C1QTNF6: variants seen among roughly 807,000 people sequenced by gnomAD.
C1QTNF6 encodes C1q and TNF related 6.
Under a neutral mutation model 20.7 loss-of-function variants are expected in C1QTNF6, and 17 were observed. The observed-to-expected ratio is 0.82, with a 90% confidence interval of 0.56 to 1.23. The LOEUF (loss-of-function observed/expected upper bound fraction) is 1.23, where lower values mean the gene tolerates loss of function less well. Among genes scored for constraint, C1QTNF6 ranks in the 50% most tolerant of loss-of-function variants. C1QTNF6 has a pLI of 0.00. For synonymous variants in C1QTNF6, 130 were observed against 156.3 expected, an observed-to-expected ratio of 0.83 and a Z score of 1.25; for missense variants, 329 against 389.7, an observed-to-expected ratio of 0.84 and a Z score of 1.31.
At chr22:37,188,869 A>G (rs1206621174), upstream of C1QTNF6, among the ~76,000 whole-genome samples, 1 of 152,244 alleles carries the variant, frequency 6.6e-6, no homozygotes, top group Non-Finnish European at 1.5e-5. Flanking sequence ...ATCAGACCCC[A>G]AGAGAGAATT....
chr22:37,187,686 GC>G (rs934567088), intron 1 of C1QTNF6, among the ~76,000 whole-genome samples: 3 of 122,638 alleles, frequency 2.4e-5, no homozygotes, highest in Non-Finnish European at 5.4e-5. Context: ...TTTCCTATTG[GC>G]CCCAGCGGAT....
At chr22:37,190,248 T>C (rs896498961), upstream of C1QTNF6, among the ~76,000 whole-genome samples, 1 of 152,244 alleles carries the variant, frequency 6.6e-6, no homozygotes, top group Non-Finnish European at 1.5e-5. Context: ...CAAAATAAGC[T>C]TTAGTCTTAT....
chr22:37,194,712 GC>G (rs1256067428), intron 2 of C1QTNF6, among the ~76,000 whole-genome samples: 1 of 152,208 alleles, frequency 6.6e-6, no homozygotes, highest in Non-Finnish European at 1.5e-5. Context: ...CCCACTCAGT[GC>G]CCAACATCAA....
rs1366205379 is a variant in C1QTNF6 at position 37,185,356 on chromosome 22, C to G, written c.151G>C (p.Ala51Pro). The G allele has an allele frequency of 6.2e-7, 1 of 1,613,852 alleles. No homozygotes were observed. Among genetic ancestry groups the G allele is most frequent in the Non-Finnish European group, 8.5e-7 (1 of 1,179,956 alleles). ...IPMVELTFDR[A>P]VASGCQRCCD... ...CACCGTTGGCAGCCGCTGGCCACAG[C>G]TCTGTCAAAGGTGAGCTCCACCATA... is the stretch of plus-strand genomic sequence containing the variant. Residue 51 changes from alanine to proline, a missense_variant, in exon 2 of 3, where the codon GCT (alanine) becomes CCT (proline). Physicochemically the swap from Ala to Pro is conservative, Grantham distance 27 (BLOSUM62 -1). Transcript: ENST00000337843.
rs1320504184 is a variant in C1QTNF6, at chr22:37,185,307, T to C, written c.200A>G (p.Asp67Gly). 2 of 1,613,176 alleles carry C rather than the reference T, an allele frequency of 1.2e-6. No homozygotes were observed. The highest frequency in any genetic ancestry group is 2.7e-5 in the African/African-American group (2 of 74,864). Residue 67 changes from aspartate (D) to glycine (G), a missense_variant, in exon 2 of 3, where the codon GAT becomes GGT. By Grantham distance (94) the Asp-to-Gly change is moderately conservative. Transcript: ENST00000337843. ...AGAGGCTGAGGATACATGGGCAGGA[T>C]CCAGGGGGTCCTCAGAGTCACAGCA... Reference protein sequence around the residue: ...QRCCDSEDPLDPAHVSSASSS... With the variant: ...QRCCDSEDPLGPAHVSSASSS...
At chr22:37,188,412 G>T (rs917354871), upstream of C1QTNF6, 75 of 484,088 alleles carry the variant, frequency 1.5e-4, no homozygotes, top group African/African-American at 1.3e-3. Flanking sequence ...GGAGATAAAG[G>T]GAGGCAGGGA....
Position 37,182,062 on chromosome 22 carries a change from C to A in C1QTNF6, c.*126G>T. The A allele has an allele frequency of 9.8e-7, 1 of 1,023,772 alleles. No individual in the cohort carries two copies. Among genetic ancestry groups the A allele is most frequent in the South Asian group, 1.7e-5 (1 of 59,162 alleles). 63.4% of individuals were successfully genotyped at this position (1,023,772 alleles called of 1,614,324 possible). On this transcript the variant is annotated 3_prime_UTR_variant, in exon 3 of 3. Transcript: ENST00000337843. ...ATGGCAGCCAAGATAGAAGCAGGGT[C>A]TCCCCAGAATGCCAGGTCCCCGGGG...
chr22:37,195,471 G>A (rs1489818035), intron 1 of C1QTNF6: 1 of 152,154 alleles, frequency 6.6e-6, no homozygotes, highest in East Asian at 1.9e-4. Context: ...AGAAAAAATG[G>A]TACTGGAAAG....
At chr22:37,194,747 C>T (rs543132954) in intron 2 of C1QTNF6, among the ~76,000 whole-genome samples, 2 of 152,320 alleles carry the variant, frequency 1.3e-5, no homozygotes, top group African/African-American at 4.8e-5. Flanking sequence ...AAACTTGCTC[C>T]CGATGGCCCT....
rs377482336 is a variant in C1QTNF6 at position 37,185,264 on chromosome 22, G to A, written c.243C>T (p.His81=). Residue 81 remains histidine, a synonymous_variant, in exon 2 of 3, where the codon CAC becomes CAT. Coordinates refer to ENST00000337843, the MANE Select transcript of C1QTNF6 (RefSeq NM_031910.4). The part of the protein sequence containing the change: ...VSSASSSGRP[H]ALPEIRPYIN... ...TGTAGGGTCTGATCTCAGGCAGGGC[G>A]TGGGGGCGGCCGGAGGAAGAGGCTG... 3.1e-5 allele frequency: 50 copies of A among 1,605,842 alleles called. No individual in the cohort carries two copies. The highest frequency in any genetic ancestry group is 3.4e-5 in the Admixed American group (2 of 59,502).
chr22:37,194,603 T>C (rs776580321), intron 2 of C1QTNF6, among the ~76,000 whole-genome samples: 21 of 152,214 alleles, frequency 1.4e-4, no homozygotes, highest in African/African-American at 1.9e-4. Context: ...TTCCATTTCA[T>C]GGAACCACAG....
intron 1 of C1QTNF6, chr22:37,196,647 G>A (rs1925151197): frequency 6.6e-6 from 1 of 152,268 alleles, no homozygotes; most frequent in South Asian, 2.1e-4. Context: ...CAGAAGGGAA[G>A]ACTCTCCAAC....
At chr22:37,183,216 C>T (rs894049219) in intron 2 of C1QTNF6, among the ~76,000 whole-genome samples, 1 of 152,184 alleles carries the variant, frequency 6.6e-6, no homozygotes, top group African/African-American at 2.4e-5. Flanking sequence ...AGGTTAGGAG[C>T]CAGGAAGCCC....
upstream of C1QTNF6, among the ~76,000 whole-genome samples, chr22:37,192,437 T>C (rs1924878021): frequency 1.3e-5 from 2 of 150,154 alleles, no homozygotes; most frequent in African/African-American, 4.9e-5. Context: ...GCTGGGGGCA[T>C]GGCTAACTCG....
chr22:37,185,861 G>A (rs1035464464), intron 1 of C1QTNF6: 27 of 989,676 alleles, frequency 2.7e-5, no homozygotes, highest in African/African-American at 2.4e-4. Context: ...ATGCTTTCCC[G>A]CCCGCGCACC....
upstream of C1QTNF6, among the ~76,000 whole-genome samples, chr22:37,198,476 C>T (rs229550): frequency 6.6e-6 from 1 of 152,156 alleles, no homozygotes; most frequent in Non-Finnish European, 1.5e-5. Context: ...AAGCACGGCG[C>T]GCTTCATGTA....
rs1416759184 is a variant in C1QTNF6, at chr22:37,184,913, G to A, written c.289+305C>T. Among the ~76,000 whole-genome samples the A allele has an allele frequency of 6.6e-6, 1 of 152,086 alleles. No individual in the cohort carries two copies. Among genetic ancestry groups the A allele is most frequent in the East Asian group, 1.9e-4 (1 of 5,174 alleles). ...GCCTGCAGCCCAGACCCGCACTCCT[G>A]AAGCCCCTTTTCATTTCCCAGAGCA... On this transcript the variant is annotated intron_variant, in intron 2 of 2. Coordinates refer to ENST00000337843, the MANE Select transcript of C1QTNF6 (RefSeq NM_031910.4). The surrounding 1 kb of genome is among the most constrained non-coding windows in gnomAD (Gnocchi z 4.0).
At chr22:37,189,398 G>A (rs1369139170), upstream of C1QTNF6, among the ~76,000 whole-genome samples, 1 of 152,062 alleles carries the variant, frequency 6.6e-6, no homozygotes, top group Non-Finnish European at 1.5e-5. Flanking sequence ...TGACCTCCTG[G>A]GAATGCAGCC....
intron 2 of C1QTNF6, 102 bp from the exon 3 acceptor site, chr22:37,182,837 A>G (rs1923921460): frequency 6.9e-7 from 1 of 1,451,664 alleles, no homozygotes; most frequent in Non-Finnish European, 9.1e-7. Context: ...CCTGGCCCAG[A>G]GAAGAAGCCA....
Sources: allele counts gnomAD v4.1 joint callset (sites outside exome capture counted in the v4.1 genomes callset), GRCh38; gene constraint gnomAD v4.1.1; non-coding constraint Gnocchi (gnomAD v3.1); transcripts MANE v1.5; gene names NCBI Gene and HGNC (gene_info 2026-07-23, HGNC 2026-07-21).